The following CACNA2D3 variants were observed in gnomAD, a reference collection of about 807,000 sequenced individuals.
CACNA2D3 encodes calcium voltage-gated channel auxiliary subunit alpha2delta 3.
Under a neutral mutation model 160.6 loss-of-function variants are expected in CACNA2D3, and 60 were observed. The observed-to-expected ratio is 0.37, with a 90% CI of 0.30 to 0.46. CACNA2D3 has a LOEUF of 0.46. CACNA2D3 is among the 20% of genes least tolerant of loss of function. The probability of loss-of-function intolerance (pLI) is 1.00; values close to 1 mark genes in which losing one functional copy is unlikely to be tolerated. For synonymous variants in CACNA2D3, 558 were observed against 492.9 expected (o/e 1.13, Z -1.75); for missense variants, 1,205 against 1,365.0 (o/e 0.88, Z 1.85).
At chr3:54,925,061 C>T (rs763044765) in intron 27 of CACNA2D3, 10 of 1,613,950 alleles carry the variant, frequency 6.2e-6, no homozygotes, top group African/African-American at 2.7e-5. Flanking sequence ...GTAAATGCAG[C>T]GTTCGAGTCT....
intron 2 of CACNA2D3, among the ~76,000 whole-genome samples, chr3:54,257,621 A>G (rs75822021): frequency 6.6e-6 from 1 of 150,560 alleles, no homozygotes; most frequent in East Asian, 1.9e-4. Context: ...CAGACAGAGT[A>G]ATTTTTTTTC....
At chr3:54,816,802 T>A in intron 13 of CACNA2D3, 51 bp from the exon 14 acceptor site, 1 of 1,602,188 alleles carries the variant, frequency 6.2e-7, no homozygotes, top group Non-Finnish European at 8.5e-7. Context: ...TAATTACTTA[T>A]ATAATGATCA....
Position 54,497,340 on chromosome 3 carries a change from C to T in CACNA2D3, c.382-6152C>T, listed in dbSNP as rs772295626. On this transcript the variant is annotated intron_variant, in intron 4 of 37. Coordinates refer to ENST00000474759, the MANE Select transcript of CACNA2D3 (RefSeq NM_018398.3). ...CAGGCATTGCACATAGTTTAATATA[C>T]ACCTATTATAGTTTAATTGATACCT... is the stretch of plus-strand genomic sequence containing the variant. Among the ~76,000 whole-genome samples, 12 of 152,104 alleles carry T rather than the reference C, an allele frequency of 7.9e-5. No homozygotes were observed. The South Asian group carries it at 1.9e-3, about 24-fold the overall frequency.
chr3:54,381,040 GA>G (rs1699095192), intron 3 of CACNA2D3, among the ~76,000 whole-genome samples: 1 of 151,884 alleles, frequency 6.6e-6, no homozygotes, highest in Non-Finnish European at 1.5e-5. Flanking sequence ...ATTCATTCCA[GA>G]AAAAAAGGCA....
At chr3:54,438,993 A>G (rs1348656133) in intron 4 of CACNA2D3, among the ~76,000 whole-genome samples, 2 of 152,218 alleles carry the variant, frequency 1.3e-5, no homozygotes, top group African/African-American at 4.8e-5. Context: ...CAAGTGCCCA[A>G]TCAGTCGACC....
At position 54,454,488 on chromosome 3, in the gene CACNA2D3, G is replaced by A. The variant is rs116423419; in HGVS notation, c.382-49004G>A. Among the ~76,000 whole-genome samples, 795 of 152,038 alleles carry A rather than the reference G, an allele frequency of 5.2e-3. 2 individuals are homozygous for A. Among genetic ancestry groups the A allele is most frequent in the African/African-American group, 0.019 (770 of 41,486 alleles). On this transcript the variant is annotated intron_variant, in intron 4 of 37. Coordinates refer to ENST00000474759, the MANE Select transcript of CACNA2D3 (RefSeq NM_018398.3). ...CATTTATAATTGACACATAATAATT[G>A]TACATATTTAGGGGGTACCATGTGA...
intron 13 of CACNA2D3, among the ~76,000 whole-genome samples, chr3:54,809,311 C>CTT (rs1217898723): frequency 0.035 from 2,812 of 80,688 alleles, 524 homozygotes; most frequent in African/African-American, 0.14. Context: ...TTCCTTCTTT[C>CTT]TTTTTTTTTT....
intron 11 of CACNA2D3, among the ~76,000 whole-genome samples, chr3:54,671,229 A>G (rs1236383188): frequency 6.6e-6 from 1 of 151,296 alleles, no homozygotes; most frequent in Non-Finnish European, 1.5e-5. Context: ...CATTGGAGAA[A>G]AATTTGGATC....
chr3:54,679,827 A>C (rs960094386), intron 11 of CACNA2D3, among the ~76,000 whole-genome samples: 1 of 152,268 alleles, frequency 6.6e-6, no homozygotes, highest in Non-Finnish European at 1.5e-5. Flanking sequence ...GCTACTGTGA[A>C]TATTTTCCAT....
intron 2 of CACNA2D3, among the ~76,000 whole-genome samples, chr3:54,226,418 A>G (rs1577011301): frequency 7.0e-6 from 1 of 143,024 alleles, no homozygotes; most frequent in Non-Finnish European, 1.5e-5. Flanking sequence ...TTCTCCCACC[A>G]CAGCCTCTGG....
chr3:54,328,525 G>T (rs1049974006), intron 3 of CACNA2D3, among the ~76,000 whole-genome samples: 6 of 151,862 alleles, frequency 4.0e-5, no homozygotes, highest in Non-Finnish European at 5.9e-5. Context: ...CAGGTGATCT[G>T]CCCACCTCGG....
chr3:54,223,709 TG>T (rs1701616885), intron 2 of CACNA2D3, among the ~76,000 whole-genome samples: 1 of 151,814 alleles, frequency 6.6e-6, no homozygotes, highest in Non-Finnish European at 1.5e-5. Context: ...CAAAAATTTG[TG>T]GGGCGTAGTG....
At chr3:55,013,111 TGCATCATTGATGCATG>T (rs1160815944) in intron 34 of CACNA2D3, among the ~76,000 whole-genome samples, 2 of 152,206 alleles carry the variant, frequency 1.3e-5, no homozygotes, top group Non-Finnish European at 2.9e-5. Context: ...GTCACATAAT[TGCATCATTGATGCATG>T]GTGTGCTGAT....
chr3:54,719,192 C>T (rs1351093854), intron 11 of CACNA2D3, among the ~76,000 whole-genome samples: 4 of 143,130 alleles, frequency 2.8e-5, no homozygotes, highest in Non-Finnish European at 4.5e-5. Flanking sequence ...TCTTGTTACA[C>T]CACCAGTACA....
At chr3:54,243,767 C>T (rs1702017126) in intron 2 of CACNA2D3, among the ~76,000 whole-genome samples, 1 of 152,198 alleles carries the variant, frequency 6.6e-6, no homozygotes. Context: ...GTGCTCTGAC[C>T]CAGCTCTGCC....
chr3:54,685,959 C>T (rs1179352074), intron 11 of CACNA2D3, among the ~76,000 whole-genome samples: 1 of 152,234 alleles, frequency 6.6e-6, no homozygotes, highest in African/African-American at 2.4e-5. Context: ...TACCCTATTC[C>T]TGCACCTGCC....
chr3:54,601,830 G>A (rs911773142), intron 9 of CACNA2D3, among the ~76,000 whole-genome samples: 7 of 151,908 alleles, frequency 4.6e-5, no homozygotes, highest in African/African-American at 9.7e-5. Flanking sequence ...TTCATGGTAC[G>A]ATATGCCTTC....
chr3:54,948,671 C>T (rs182111981), intron 27 of CACNA2D3, among the ~76,000 whole-genome samples: 71 of 152,310 alleles, frequency 4.7e-4, no homozygotes, highest in African/African-American at 1.6e-3. Context: ...TAGGGAAGGG[C>T]ACCATTCATG....
intron 27 of CACNA2D3, among the ~76,000 whole-genome samples, chr3:54,926,009 T>G (rs1701003737): frequency 6.6e-6 from 1 of 152,192 alleles, no homozygotes; most frequent in African/African-American, 2.4e-5. Context: ...CCTTCATGGG[T>G]TATTGTACTT....
Sources: gnomAD v4.1 joint callset for allele counts (sites outside exome capture counted in the v4.1 genomes callset) on GRCh38, gnomAD v4.1.1 for gene constraint, MANE v1.5 for transcripts, NCBI Gene and HGNC (gene_info 2026-07-23, HGNC 2026-07-21) for gene names.